Variants in SREBF2 observed in about 807,000 individuals in gnomAD.
The protein encoded by SREBF2 is sterol regulatory element-binding protein 2.
Under a neutral mutation model 113.1 loss-of-function variants are expected in SREBF2, and 55 were observed. That is an observed-to-expected ratio of 0.49 (90% CI 0.39 to 0.61). SREBF2 has a LOEUF of 0.61. Among genes scored for constraint, SREBF2 ranks in the 20% least tolerant of loss-of-function variants. The pLI is 0.00. For missense variants in SREBF2, 1,349 were observed against 1,487.4 expected (o/e 0.91, Z 1.53); for synonymous variants, 593 against 605.7 (o/e 0.98, Z 0.31).
rs749042683 is a variant in SREBF2, at chr22:41,873,852, C to A, written c.922C>A (p.Gln308Lys). 1.2e-6 allele frequency: 2 copies of A among 1,613,214 alleles called. No homozygotes were observed. The highest frequency in any genetic ancestry group is 1.7e-6 in the Non-Finnish European group (2 of 1,179,650). ...ILTTMPVMMG[Q>K]EKVPIKQVPG... ...GACCACAATGCCTGTAATGATGGGG[C>A]AAGAGAAAGTGCCCATTAAGCAGGT... The change falls in exon 5 of 19, where the codon CAA becomes AAA. Residue 308 changes from glutamine to lysine, a missense_variant. By Grantham distance (53) the Gln-to-Lys change is moderately conservative. Transcript: ENST00000361204.
chr22:41,894,638 C>G (rs1234096689), intron 12 of SREBF2, among the ~76,000 whole-genome samples, 182 bp from the exon 13 acceptor site: 2 of 152,170 alleles, frequency 1.3e-5, no homozygotes, highest in East Asian at 3.8e-4. Flanking sequence ...GCTCTTCAGG[C>G]TGGGAGTGAA....
At chr22:41,842,205 C>T (rs984905843) in intron 1 of SREBF2, among the ~76,000 whole-genome samples, 10 of 152,146 alleles carry the variant, frequency 6.6e-5, no homozygotes, top group Admixed American at 3.3e-4. Flanking sequence ...GTCTTGCTCC[C>T]GGCCCTACCC....
intron 15 of SREBF2, chr22:41,899,695 C>T (rs2077448079): frequency 1.7e-6 from 1 of 579,338 alleles, no homozygotes; most frequent in Non-Finnish European, 2.2e-6. Context: ...GTGTGTCTCC[C>T]CCAGTCGATG....
At chr22:41,869,519 T>C (rs1291380789) in intron 3 of SREBF2, among the ~76,000 whole-genome samples, 4 of 151,696 alleles carry the variant, frequency 2.6e-5, no homozygotes, top group Admixed American at 6.6e-5. Context: ...GTTTTGCTCT[T>C]GTTGCCCAGG....
chr22:41,868,730 C>G lies in SREBF2; in HGVS notation c.658C>G (p.Leu220Val), dbSNP rs1485607673. ...RVLTQTANGT[L>V]QTLAPATVQT... ...GCTGACACAAACGGCCAATGGCACG[C>G]TGCAGACCCTTGCCCCGGCTACGGT... is the stretch of plus-strand genomic sequence containing the variant. The change falls in exon 3 of 19, where the codon CTG (leucine) becomes GTG (valine). Residue 220 changes from leucine to valine, a missense_variant. Physicochemically the swap from Leu to Val is conservative, Grantham distance 32. This residue lies in a region of SREBF2 where 699 missense variants were observed against 843.3 expected (regional missense o/e 0.83). Transcript: ENST00000361204. 6.2e-7 allele frequency: 1 copy of G among 1,614,206 alleles called. No individual in the cohort carries two copies. Among genetic ancestry groups the G allele is most frequent in the Non-Finnish European group, 8.5e-7 (1 of 1,180,028 alleles).
chr22:41,872,638 C>T (rs1342781719), intron 4 of SREBF2, among the ~76,000 whole-genome samples: 1 of 152,106 alleles, frequency 6.6e-6, no homozygotes, highest in Admixed American at 6.5e-5. Flanking sequence ...CGCCTGTATT[C>T]CCAGCATTTT....
At chr22:41,873,640 TCTTGGGGCCTGA>T in intron 4 of SREBF2, 146 bp from the exon 5 acceptor site, 2 of 733,564 alleles carry the variant, frequency 2.7e-6, no homozygotes, top group South Asian at 3.2e-5. Flanking sequence ...TCCTGAGACT[TCTTGGGGCCTGA>T]TTTGATTAAC....
intron 10 of SREBF2, among the ~76,000 whole-genome samples, chr22:41,884,292 C>T (rs545483718): frequency 2.6e-5 from 4 of 152,276 alleles, no homozygotes; most frequent in Non-Finnish European, 4.4e-5. Flanking sequence ...TGTGCCACCA[C>T]GTCCAGCTAA....
intron 1 of SREBF2, among the ~76,000 whole-genome samples, chr22:41,859,764 C>G (rs969868133): frequency 1.4e-5 from 2 of 145,406 alleles, no homozygotes; most frequent in African/African-American, 5.1e-5. Context: ...AGAGGTAAAA[C>G]TTGCCCCAGG....
intron 3 of SREBF2, 45 bp from the exon 4 acceptor site, chr22:41,870,844 A>T (rs752032458): frequency 6.2e-7 from 1 of 1,611,884 alleles, no homozygotes; most frequent in Admixed American, 1.7e-5. Context: ...GCATAACAGA[A>T]GGATAATGCT....
In SREBF2 at chr22:41,894,883, C is replaced by A. The variant is rs1349486809; in HGVS notation, c.2441C>A (p.Ser814Tyr). The stretch of plus-strand genomic sequence containing the variant: ...AACCTGCTGGAGCGAGCTATAGAGT[C>A]CTTGGTGAAACCTCAGGCCAAGAAG... ...CKNLLERAIE[S>Y]LVKPQAKKKA... Residue 814 changes from serine to tyrosine, a missense_variant, in exon 13 of 19, where the codon TCC becomes TAC. Physicochemically the swap from Ser to Tyr is moderately radical, Grantham distance 144 (BLOSUM62 -2). Around this residue, in one of 2 missense-constraint regions of SREBF2, gnomAD observed 650 missense variants for 644.1 expected, o/e 1.01. Transcript: ENST00000361204. 6.2e-7 allele frequency: 1 copy of A among 1,614,074 alleles called. No individual in the cohort carries two copies. Among genetic ancestry groups the A allele is most frequent in the East Asian group, 2.2e-5 (1 of 44,870 alleles).
Position 41,868,607 on chromosome 22 carries a change from C to A in SREBF2, c.539-4C>A. On this transcript the variant is annotated splice_polypyrimidine_tract_variant and splice_region_variant and intron_variant, in intron 2 of 18. Transcript: ENST00000361204. The stretch of plus-strand genomic sequence containing the variant: ...CTGTGCCTTCTTTCTCCTCTTCTCC[C>A]AAGTCCTTCAGCCTCAAGTCCAAAG... 2 of 1,614,196 alleles carry A rather than the reference C, an allele frequency of 1.2e-6. No homozygotes were observed. The highest frequency in any genetic ancestry group is 1.7e-6 in the Non-Finnish European group (2 of 1,180,032).
At chr22:41,851,838 C>A (rs570992541) in intron 1 of SREBF2, among the ~76,000 whole-genome samples, 1 of 151,322 alleles carries the variant, frequency 6.6e-6, no homozygotes, top group Non-Finnish European at 1.5e-5. Flanking sequence ...AAAAACAAAG[C>A]GGCCGGGCGC....
chr22:41,905,945 C>T lies in SREBF2; in HGVS notation c.*285C>T. 1.6e-6 allele frequency: 1 copy of T among 634,332 alleles called. No individual in the cohort carries two copies. The highest frequency in any genetic ancestry group is 2.9e-6 in the Non-Finnish European group (1 of 341,662). 39.3% of individuals were successfully genotyped at this position (634,332 alleles called of 1,614,324 possible). A position where few individuals can be genotyped will look rare whatever the true frequency, so the allele number is the denominator to read the frequency against. On this transcript the variant is annotated 3_prime_UTR_variant, in exon 19 of 19. Transcript: ENST00000361204. ...GGGGGAGCTCCCAAGCTGCCAAGCC[C>T]CTGCCTCCAGCCTTCCTGAGTTTCT...
At chr22:41,892,063 T>C (rs1400165500) in intron 11 of SREBF2, among the ~76,000 whole-genome samples, 2 of 152,148 alleles carry the variant, frequency 1.3e-5, no homozygotes, top group Non-Finnish European at 2.9e-5. Flanking sequence ...CGCAGGCTGG[T>C]GTTCACATCA....
chr22:41,877,456 C>G (rs2077207072), intron 8 of SREBF2, 35 bp downstream of exon 8: 5 of 1,608,146 alleles, frequency 3.1e-6, no homozygotes, highest in Non-Finnish European at 4.3e-6. Flanking sequence ...CTGGGCATGG[C>G]TGGACCACTA....
chr22:41,872,167 G>A (rs977051513), intron 4 of SREBF2, among the ~76,000 whole-genome samples: 2 of 150,386 alleles, frequency 1.3e-5, no homozygotes, highest in African/African-American at 2.5e-5. Flanking sequence ...GGAGAATGTC[G>A]TGAACCTGGG....
At chr22:41,860,257 C>T (rs1298906490) in intron 1 of SREBF2, among the ~76,000 whole-genome samples, 2 of 140,510 alleles carry the variant, frequency 1.4e-5, no homozygotes, top group Non-Finnish European at 3.1e-5. Flanking sequence ...AAAAAAAAGA[C>T]AAAATAGCCT....
intron 9 of SREBF2, 36 bp downstream of exon 9, chr22:41,878,159 A>G (rs2077214881): frequency 3.1e-6 from 5 of 1,612,012 alleles, no homozygotes; most frequent in Middle Eastern, 1.8e-4. Context: ...ATCCTCCCCC[A>G]GACTTGACAA....
Sources: gnomAD v4.1 joint callset for allele counts (sites outside exome capture counted in the v4.1 genomes callset) on GRCh38, gnomAD v4.1.1 for gene constraint, gnomAD v4.1.1 regional missense constraint, MANE v1.5 for transcripts, NCBI Gene and HGNC (gene_info 2026-07-23, HGNC 2026-07-21) for gene names.